Variants in PDE3B observed in about 807,000 individuals in gnomAD.
PDE3B encodes cGMP-inhibited 3',5'-cyclic phosphodiesterase 3B.
In PDE3B, 66 loss-of-function variants were observed where a neutral mutation model predicts 116.8. The observed-to-expected ratio is 0.56, with a 90% CI of 0.46 to 0.69. The LOEUF is 0.69. Among genes scored for constraint, PDE3B ranks in the 30% least tolerant of loss-of-function variants. The probability of loss-of-function intolerance (pLI) is 0.00; values close to 1 mark genes in which losing one functional copy is unlikely to be tolerated. For missense variants in PDE3B, 1,384 were observed against 1,368.1 expected, an observed-to-expected ratio of 1.01 and a Z score of -0.18; for synonymous variants, 595 against 533.6, an observed-to-expected ratio of 1.12 and a Z score of -1.59.
At chr11:14,890,926 C>A in the PDE3B span, 1,116 of 985,354 alleles carry the variant, frequency 1.1e-3, 1 homozygote, top group South Asian at 1.6e-3. Flanking sequence ...GCCAAACATC[C>A]CTGTACTTTT....
intron 1 of PDE3B, among the ~76,000 whole-genome samples, chr11:14,652,084 A>G (rs528761863): frequency 6.6e-6 from 1 of 152,300 alleles, no homozygotes; most frequent in African/African-American, 2.4e-5. Flanking sequence ...GGAGTTTTAT[A>G]AAAGTTTTAG....
chr11:14,879,627 G>A, the PDE3B span, among the ~76,000 whole-genome samples: 42 of 151,892 alleles, frequency 2.8e-4, no homozygotes, highest in Non-Finnish European at 1.6e-4. Context: ...TGTACTAACA[G>A]TAGCCAGTGC....
chr11:14,687,480 G>GGA (rs1446380911), intron 1 of PDE3B, among the ~76,000 whole-genome samples: 1 of 152,072 alleles, frequency 6.6e-6, no homozygotes, highest in Non-Finnish European at 1.5e-5. Flanking sequence ...ATGCAACTGG[G>GGA]GAGACAATAG....
At chr11:14,735,852 T>G (rs974883871) in intron 1 of PDE3B, among the ~76,000 whole-genome samples, 3 of 152,152 alleles carry the variant, frequency 2.0e-5, no homozygotes, top group Admixed American at 2.0e-4. Flanking sequence ...CCTTGATTGT[T>G]ATTTAGTCTG....
chr11:14,752,619 T>C (rs1167389833), intron 1 of PDE3B, among the ~76,000 whole-genome samples: 2 of 152,238 alleles, frequency 1.3e-5, no homozygotes, highest in East Asian at 1.9e-4. Context: ...TTGAAATGTT[T>C]TATTAAATTT....
At chr11:14,714,539 CAAAAAAAAA>C (rs759855381) in intron 1 of PDE3B, among the ~76,000 whole-genome samples, 1 of 76,146 alleles carries the variant, frequency 1.3e-5, no homozygotes, top group Non-Finnish European at 2.6e-5. Context: ...AACCCTGTCT[CAAAAAAAAA>C]AAAAAAAAAA....
chr11:14,660,809 C>G (rs1396363486), intron 1 of PDE3B, among the ~76,000 whole-genome samples: 2 of 152,104 alleles, frequency 1.3e-5, no homozygotes, highest in African/African-American at 2.4e-5. Context: ...AACATATTTA[C>G]ATTTAAATAG....
the PDE3B span, chr11:14,878,315 A>T: frequency 3.1e-6 from 5 of 1,611,794 alleles, no homozygotes; most frequent in African/African-American, 6.7e-5. Flanking sequence ...GAAAAAGCAG[A>T]TACAATAATT....
rs1261522552 is a variant in PDE3B at position 14,644,902 on chromosome 11, C to A, written c.827C>A (p.Pro276His). 1 of 1,614,122 alleles carries A rather than the reference C, an allele frequency of 6.2e-7. No homozygotes were observed. The highest frequency in any genetic ancestry group is 1.1e-5 in the South Asian group (1 of 91,082). The change falls in exon 1 of 16, where the codon CCT becomes CAT. Residue 276 changes from proline (P) to histidine (H), a missense_variant. Physicochemically the swap from Pro to His is moderately conservative, Grantham distance 77. Around this residue, in one of 2 missense-constraint regions of PDE3B, gnomAD observed 956 missense variants for 806.8 expected, o/e 1.18. Transcript: ENST00000282096. The stretch of plus-strand genomic sequence containing the variant: ...CAAATCAGGGAAGCGCCTCTTCATC[C>A]TCGACTGTCCAGTGCCGCCGAAGAA... ...FFQIREAPLHPRLSSAAEEKV... is the reference protein window; with the variant it reads ...FFQIREAPLHHRLSSAAEEKV...
rs557896675 is a variant in PDE3B at position 14,800,703 on chromosome 11, G to A, written c.1416-3241G>A. On this transcript the variant is annotated intron_variant, in intron 4 of 15. Transcript: ENST00000282096. The stretch of plus-strand genomic sequence containing the variant: ...ATTTCCTGAATTTGAATGTTGGCCT[G>A]TCTTGTTAGGTTGGGGATGTTCTCT... 4.6e-3 allele frequency among the ~76,000 whole-genome samples: 695 copies of A among 152,246 alleles called. 4 individuals carry two copies. Among genetic ancestry groups the A allele is most frequent in the African/African-American group, 0.016 (667 of 41,532 alleles).
chr11:14,753,542 AT>A (rs1177927936), intron 1 of PDE3B, among the ~76,000 whole-genome samples: 1 of 152,144 alleles, frequency 6.6e-6, no homozygotes, highest in East Asian at 1.9e-4. Context: ...TAAGAATCCA[AT>A]AGCTTTGATT....
intron 1 of PDE3B, among the ~76,000 whole-genome samples, chr11:14,739,671 G>T (rs936303370): frequency 7.2e-5 from 11 of 152,288 alleles, no homozygotes; most frequent in Middle Eastern, 3.4e-3. Context: ...GGGCATCCTT[G>T]TCTTGTGCTG....
chr11:14,647,059 T>A (rs1231514003), intron 1 of PDE3B, among the ~76,000 whole-genome samples: 2 of 152,012 alleles, frequency 1.3e-5, no homozygotes, highest in Non-Finnish European at 2.9e-5. Flanking sequence ...GAATGTTTAT[T>A]TATGCTTGTT....
downstream of PDE3B, among the ~76,000 whole-genome samples, chr11:14,876,247 C>T (rs1480740417): frequency 2.6e-5 from 4 of 151,992 alleles, no homozygotes; most frequent in African/African-American, 4.8e-5. Context: ...CAGGATGTGA[C>T]GGCTCACACC....
Position 14,779,163 on chromosome 11 carries a change from C to A in PDE3B, c.1029+7176C>A, listed in dbSNP as rs192073179. On this transcript the variant is annotated intron_variant, in intron 2 of 15. Transcript: ENST00000282096. ...AGCAAAGCCTCCAAGAAATATGGGA[C>A]TATATGAAAAGACCAAATCTACGTC... Among the ~76,000 whole-genome samples, 31 of 152,188 alleles carry A rather than the reference C, an allele frequency of 2.0e-4. 2 individuals are homozygous for A. Among genetic ancestry groups the A allele is most frequent in the South Asian group, 1.7e-3 (8 of 4,816 alleles).
the PDE3B span, chr11:14,880,849 G>T: frequency 7.4e-7 from 1 of 1,348,726 alleles, no homozygotes; most frequent in Non-Finnish European, 1.0e-6. Flanking sequence ...TTTTTTAATG[G>T]ATGGTTAGTC....
chr11:14,707,515 G>A (rs995743426), intron 1 of PDE3B, among the ~76,000 whole-genome samples: 4 of 151,896 alleles, frequency 2.6e-5, no homozygotes, highest in African/African-American at 9.7e-5. Flanking sequence ...GTGGCTTTTA[G>A]GAAACAGGCA....
intron 1 of PDE3B, among the ~76,000 whole-genome samples, chr11:14,671,999 A>AGAGT (rs1450529494): frequency 6.9e-6 from 1 of 144,100 alleles, no homozygotes; most frequent in African/African-American, 2.6e-5. Flanking sequence ...CCTGGGTGAC[A>AGAGT]GAGTGAGACC....
intron 12 of PDE3B, among the ~76,000 whole-genome samples, chr11:14,847,263 G>A (rs999594629): frequency 8.6e-5 from 13 of 151,372 alleles, no homozygotes; most frequent in Admixed American, 8.6e-4. Context: ...TGAAATGAAG[G>A]CAGAAATAAA....
Sources: gnomAD v4.1 joint callset for allele counts (sites outside exome capture counted in the v4.1 genomes callset) on GRCh38, gnomAD v4.1.1 for gene constraint, gnomAD v4.1.1 regional missense constraint, MANE v1.5 for transcripts, NCBI Gene and HGNC (gene_info 2026-07-23, HGNC 2026-07-21) for gene names.